DYSF: variants seen among roughly 807,000 people sequenced by gnomAD.
The protein encoded by DYSF is dysferlin, also known as dystrophy-associated fer-1-like 1.
DYSF carries 212 observed loss-of-function variants against 274.9 expected under a neutral mutation model. The observed-to-expected ratio is 0.77, with a 90% CI of 0.69 to 0.86. The LOEUF is 0.86. Ranked by LOEUF, DYSF falls within the 40% of genes least tolerant of loss-of-function variation. The pLI, the probability that DYSF is intolerant of heterozygous loss-of-function variation, is 0.00. For missense variants in DYSF, 2,666 were observed against 2,783.2 expected (o/e 0.96, Z 0.95); for synonymous variants, 1,091 against 1,078.7 (o/e 1.01, Z -0.22).
chr2:71,468,968 T>G (rs1041767636), intron 1 of DYSF, among the ~76,000 whole-genome samples: 16 of 152,334 alleles, frequency 1.1e-4, no homozygotes, highest in African/African-American at 3.6e-4. Flanking sequence ...TCATTTAGTC[T>G]GGGACATGGT....
chr2:71,540,541 A>T lies in DYSF; in HGVS notation c.1576+1302A>T, dbSNP rs184089676. The stretch of plus-strand genomic sequence containing the variant: ...CTCCCCAACACAGGGTAAAATAATA[A>T]TATTAAAAAAGAACTTTGTTAATTT... On this transcript the variant is annotated intron_variant, in intron 17 of 55. Coordinates refer to ENST00000410020, the MANE Select transcript of DYSF (RefSeq NM_001130987.2). Among the ~76,000 whole-genome samples the T allele has an allele frequency of 3.9e-4, 60 of 152,258 alleles. No individual in the cohort carries two copies. In the East Asian group the frequency reaches 0.011, roughly 27 times the overall value.
chr2:71,654,910 C>T (rs2094739364), intron 42 of DYSF, among the ~76,000 whole-genome samples: 1 of 152,068 alleles, frequency 6.6e-6, no homozygotes, highest in Non-Finnish European at 1.5e-5. Context: ...CAGAACTCAT[C>T]TCTACAAAAA....
chr2:71,543,509 C>T (rs2090153140), intron 17 of DYSF, among the ~76,000 whole-genome samples: 3 of 152,200 alleles, frequency 2.0e-5, no homozygotes, highest in South Asian at 2.1e-4. Context: ...CCAAGGCAGG[C>T]GGCTGGGAGG....
At chr2:71,574,393 C>T (rs183104924) in intron 30 of DYSF, 22 bp downstream of exon 30, 479 of 1,612,086 alleles carry the variant, frequency 3.0e-4, no homozygotes, top group Non-Finnish European at 3.7e-4. Context: ...TGCACTTGTC[C>T]TGGCTTGGGT....
chr2:71,643,983 T>C lies in DYSF; in HGVS notation c.4546T>C (p.Trp1516Arg). ...SSPHEEEFID[W>R]WSKFFASIGE... ...CACTCAGGAGGAAGAGTTCATCGATTGGTGGAGCAAATTCTTTGCCTCCAT... is the reference window on the plus strand; with the variant it reads ...CACTCAGGAGGAAGAGTTCATCGATCGGTGGAGCAAATTCTTTGCCTCCAT... Residue 1516 changes from tryptophan to arginine, a missense_variant, in exon 42 of 56, where the codon TGG (tryptophan) becomes CGG (arginine). Physicochemically the swap from Trp to Arg is moderately radical, Grantham distance 101. Around this residue, in one of 3 missense-constraint regions of DYSF, gnomAD observed 1,460 missense variants for 1,502.1 expected, o/e 0.97. Transcript: ENST00000410020. The C allele has an allele frequency of 6.2e-7, 1 of 1,611,528 alleles. No individual in the cohort carries two copies. Among genetic ancestry groups the C allele is most frequent in the Non-Finnish European group, 8.5e-7 (1 of 1,178,878 alleles).
intron 30 of DYSF, among the ~76,000 whole-genome samples, chr2:71,588,431 A>G (rs1295651407): frequency 2.6e-5 from 4 of 152,138 alleles, no homozygotes; most frequent in African/African-American, 9.7e-5. Flanking sequence ...GCAGGGGCAC[A>G]GTAGTGGCAG....
At chr2:71,554,446 A>C (rs541348643) in intron 21 of DYSF, among the ~76,000 whole-genome samples, 3 of 152,120 alleles carry the variant, frequency 2.0e-5, no homozygotes, top group Non-Finnish European at 4.4e-5. Context: ...GGGCAAAGAG[A>C]TGTGGGGCTC....
intron 17 of DYSF, among the ~76,000 whole-genome samples, chr2:71,550,470 C>T (rs2090856674): frequency 6.6e-6 from 1 of 152,170 alleles, no homozygotes. Context: ...AGGGTATGTG[C>T]CTGGGGGCTA....
At chr2:71,525,114 G>A (rs2087712328) in intron 12 of DYSF, among the ~76,000 whole-genome samples, 1 of 152,144 alleles carries the variant, frequency 6.6e-6, no homozygotes, top group Non-Finnish European at 1.5e-5. Flanking sequence ...AATCATCTGG[G>A]AAGCTTTACA....
At chr2:71,611,723 G>GGGGTCCTACCCT in intron 38 of DYSF, 97 bp downstream of exon 38, 1 of 1,449,634 alleles carries the variant, frequency 6.9e-7, no homozygotes, top group Non-Finnish European at 9.4e-7. Flanking sequence ...AATTCCCTGC[G>GGGGTCCTACCCT]GGATCCAGGG....
At chr2:71,665,420 G>A (rs2094979791) in intron 47 of DYSF, 116 bp downstream of exon 47, 7 of 1,391,906 alleles carry the variant, frequency 5.0e-6, no homozygotes, top group African/African-American at 4.2e-5. Context: ...GCAGCAGGCT[G>A]TGGGTCTCTC....
At chr2:71,641,957 A>G (rs916391147) in intron 41 of DYSF, among the ~76,000 whole-genome samples, 10 of 152,196 alleles carry the variant, frequency 6.6e-5, no homozygotes, top group African/African-American at 2.2e-4. Flanking sequence ...AAGAAGGTAT[A>G]TCTTCTGTTT....
At chr2:71,541,987 G>A (rs1287968321) in intron 17 of DYSF, among the ~76,000 whole-genome samples, 2 of 152,172 alleles carry the variant, frequency 1.3e-5, no homozygotes, top group Non-Finnish European at 2.9e-5. Context: ...GTTGAGGATT[G>A]TTTTTTAAAA....
At chr2:71,641,514 A>G (rs1027194446) in intron 41 of DYSF, among the ~76,000 whole-genome samples, 5 of 152,088 alleles carry the variant, frequency 3.3e-5, no homozygotes, top group Admixed American at 1.3e-4. Context: ...ATCAATTATA[A>G]TATTCTCCTT....
At chr2:71,479,433 G>C (rs13007337) in intron 1 of DYSF, among the ~76,000 whole-genome samples, 46,074 of 151,228 alleles carry the variant, frequency 0.3, 7,944 homozygotes, top group Non-Finnish European at 0.4. Context: ...CAAGCAGAGA[G>C]GGCCAAAGCT....
chr2:71,647,822 A>C (rs1285235811), intron 42 of DYSF, among the ~76,000 whole-genome samples: 1 of 152,254 alleles, frequency 6.6e-6, no homozygotes. Context: ...GAAAATTTTC[A>C]TAATAGTTTC....
intron 44 of DYSF, among the ~76,000 whole-genome samples, chr2:71,660,023 G>A (rs1444343971): frequency 6.6e-6 from 1 of 152,212 alleles, no homozygotes; most frequent in Non-Finnish European, 1.5e-5. Context: ...TCCAAGGTGT[G>A]GTCATGGCCA....
In DYSF at chr2:71,501,960, G is replaced by T. The variant is rs371496165; in HGVS notation, c.240-1254G>T. Among the ~76,000 whole-genome samples the T allele has an allele frequency of 2.1e-4, 32 of 152,138 alleles. 1 individual carries two copies. Among genetic ancestry groups the T allele is most frequent in the East Asian group, 1.2e-3 (6 of 5,166 alleles). ...ATGCTAATTCTAGGTTTAATTTTTT[G>T]AGTAACTGCTATGCTGTTTCCCACA... On this transcript the variant is annotated intron_variant, in intron 3 of 55. Transcript: ENST00000410020.
chr2:71,683,132 G>C (rs754446494), intron 55 of DYSF, among the ~76,000 whole-genome samples: 1 of 152,190 alleles, frequency 6.6e-6, no homozygotes, highest in Non-Finnish European at 1.5e-5. Flanking sequence ...GCTGGGGCTG[G>C]GAGAGCATCT....
Sources: allele counts gnomAD v4.1 joint callset (sites outside exome capture counted in the v4.1 genomes callset), GRCh38; gene constraint gnomAD v4.1.1; regional missense constraint gnomAD v4.1.1; transcripts MANE v1.5; gene names NCBI Gene and HGNC (gene_info 2026-07-23, HGNC 2026-07-21).